KIAA1549L: variants seen among roughly 807,000 people sequenced by gnomAD.
The protein encoded by KIAA1549L is UPF0606 protein KIAA1549L.
A neutral mutation model predicts 160.7 loss-of-function variants in KIAA1549L; 88 were observed. The observed-to-expected ratio is 0.55, with a 90% CI of 0.46 to 0.65. The LOEUF is 0.65. KIAA1549L is among the 30% of genes least tolerant of loss of function. KIAA1549L has a pLI of 0.00. For synonymous variants in KIAA1549L, 950 were observed against 976.7 expected (o/e 0.97, Z 0.51); for missense variants, 2,258 against 2,437.5 (o/e 0.93, Z 1.55).
intron 1 of KIAA1549L, among the ~76,000 whole-genome samples, chr11:33,437,443 G>A (rs1216066364): frequency 6.6e-6 from 1 of 152,238 alleles, no homozygotes; most frequent in African/African-American, 2.4e-5. Context: ...ACCGGGAGGT[G>A]TCATCGCAGA....
chr11:33,633,969 T>C (rs1851371896), intron 16 of KIAA1549L, among the ~76,000 whole-genome samples: 1 of 152,252 alleles, frequency 6.6e-6, no homozygotes, highest in Non-Finnish European at 1.5e-5. Context: ...TTAGCTATTA[T>C]AACTCCCCAG....
At chr11:33,587,381 G>C (rs1193950965) in intron 11 of KIAA1549L, among the ~76,000 whole-genome samples, 2 of 152,180 alleles carry the variant, frequency 1.3e-5, no homozygotes, top group Non-Finnish European at 2.9e-5. Flanking sequence ...AAAGCTAAAA[G>C]ACCGCTACCC....
At chr11:33,501,418 G>A (rs1169991460) in intron 1 of KIAA1549L, among the ~76,000 whole-genome samples, 1 of 152,162 alleles carries the variant, frequency 6.6e-6, no homozygotes, top group Non-Finnish European at 1.5e-5. Flanking sequence ...AAATAATTTG[G>A]ATAATGAAGG....
intron 10 of KIAA1549L, among the ~76,000 whole-genome samples, chr11:33,580,158 T>A (rs765867192): frequency 2.6e-5 from 4 of 152,184 alleles, no homozygotes; most frequent in Non-Finnish European, 4.4e-5. Context: ...TTGCAGGGTC[T>A]GGAGTGAGAG....
At chr11:33,431,446 A>G (rs1230772621) in intron 1 of KIAA1549L, among the ~76,000 whole-genome samples, 3 of 152,162 alleles carry the variant, frequency 2.0e-5, no homozygotes, top group African/African-American at 7.2e-5. Flanking sequence ...TGTCCCCATC[A>G]GATTAGTTAG....
rs570056661 is a variant in KIAA1549L, at chr11:33,542,754, G to A, written c.1191G>A (p.Val397=). 6 of 1,613,928 alleles carry A rather than the reference G, an allele frequency of 3.7e-6. No homozygotes were observed. The East Asian group carries it at 1.3e-4, about 36-fold the overall frequency. ...QQIKAGVPGR[V]HNGVSLPTFK... ...TCAAAGCTGGGGTGCCTGGAAGAGT[G>A]CACAATGGGGTGTCTTTGCCAACTT... Residue 397 remains valine (V), a synonymous_variant, in exon 2 of 21, where the codon GTG becomes GTA. Coordinates refer to ENST00000658780, the MANE Select transcript of KIAA1549L (RefSeq NM_012194.3).
At chr11:33,648,454 G>T (rs12269870) in intron 17 of KIAA1549L, among the ~76,000 whole-genome samples, 2,441 of 150,736 alleles carry the variant, frequency 0.016, 79 homozygotes, top group African/African-American at 0.055. Context: ...GTCCTTTTGT[G>T]CTTTGATAAT....
At chr11:33,412,331 C>A (rs929404383) in intron 1 of KIAA1549L, among the ~76,000 whole-genome samples, 6 of 152,176 alleles carry the variant, frequency 3.9e-5, no homozygotes, top group African/African-American at 1.4e-4. Context: ...ATATGAATGA[C>A]TCCTGTTGTA....
intron 1 of KIAA1549L, among the ~76,000 whole-genome samples, chr11:33,520,722 CA>C (rs1853469206): frequency 1.3e-5 from 2 of 150,058 alleles, no homozygotes; most frequent in Non-Finnish European, 1.5e-5. Context: ...CACACACACA[CA>C]CACACACACA....
chr11:33,530,708 A>G (rs1853749527), intron 1 of KIAA1549L, among the ~76,000 whole-genome samples: 3 of 151,898 alleles, frequency 2.0e-5, no homozygotes, highest in Non-Finnish European at 4.4e-5. Context: ...AGCCCAAAAG[A>G]GGTCATTGTG....
chr11:33,665,038 C>T (rs187166187), intron 20 of KIAA1549L, among the ~76,000 whole-genome samples: 1 of 152,318 alleles, frequency 6.6e-6, no homozygotes, highest in East Asian at 1.9e-4. Flanking sequence ...ACACTAAACA[C>T]ACCCTCTCTG....
intron 1 of KIAA1549L, among the ~76,000 whole-genome samples, chr11:33,453,099 G>A (rs1251403327): frequency 1.3e-5 from 2 of 152,358 alleles, no homozygotes; most frequent in East Asian, 3.9e-4. Context: ...CTGAGTGACT[G>A]ACATAGGCGA....
At chr11:33,408,489 G>GTGTGTATATATATATATATATA (rs34208718) in intron 1 of KIAA1549L, among the ~76,000 whole-genome samples, 21 of 123,070 alleles carry the variant, frequency 1.7e-4, no homozygotes, top group African/African-American at 6.8e-4. Context: ...CTGTATATGT[G>GTGTGTATATATATATATATATA]TATATATATA....
intron 13 of KIAA1549L, 55 bp downstream of exon 13, chr11:33,599,002 C>T: frequency 6.3e-7 from 1 of 1,596,480 alleles, no homozygotes; most frequent in Non-Finnish European, 8.6e-7. Flanking sequence ...CGTGCCCGCA[C>T]ACACATGCGT....
At chr11:33,495,339 A>G (rs1162567486) in intron 1 of KIAA1549L, among the ~76,000 whole-genome samples, 1 of 138,418 alleles carries the variant, frequency 7.2e-6, no homozygotes, top group Non-Finnish European at 1.5e-5. Flanking sequence ...ATGCGTTCTC[A>G]TTGTTCAATT....
At chr11:33,638,634 G>T (rs1388987627) in intron 16 of KIAA1549L, among the ~76,000 whole-genome samples, 2 of 151,840 alleles carry the variant, frequency 1.3e-5, no homozygotes, top group African/African-American at 4.8e-5. Flanking sequence ...TTCTTAACAA[G>T]TGTTTTCATT....
intron 1 of KIAA1549L, among the ~76,000 whole-genome samples, chr11:33,436,396 T>C (rs1851381649): frequency 6.6e-6 from 1 of 152,202 alleles, no homozygotes; most frequent in African/African-American, 2.4e-5. Context: ...CTGTCCCAGC[T>C]TGAAGGCAGT....
chr11:33,510,136 A>T (rs1278389605), intron 1 of KIAA1549L, among the ~76,000 whole-genome samples: 2 of 150,802 alleles, frequency 1.3e-5, no homozygotes, highest in Non-Finnish European at 3.0e-5. Flanking sequence ...AGGATCTCTC[A>T]CTCTCTCTCT....
rs114507392 is a variant in KIAA1549L, at chr11:33,656,250, G to A, written c.5858+141G>A. On this transcript the variant is annotated intron_variant, in intron 18 of 20. Transcript: ENST00000658780. ...GTGTCACCTGTACAGACAACCATGC[G>A]CCTGTGGCATCCCAAGTACCATGAA... 4.6e-3 allele frequency: 2,998 copies of A among 648,184 alleles called. 21 individuals are homozygous for A. Among genetic ancestry groups the A allele is most frequent in the African/African-American group, 0.015 (836 of 55,408 alleles). 40.2% of individuals were successfully genotyped at this position (648,184 alleles called of 1,614,324 possible).
Sources: allele counts gnomAD v4.1 joint callset (sites outside exome capture counted in the v4.1 genomes callset), GRCh38; gene constraint gnomAD v4.1.1; transcripts MANE v1.5; gene names NCBI Gene and HGNC (gene_info 2026-07-23, HGNC 2026-07-21).